PCDHGA4: variants seen among roughly 807,000 people sequenced by gnomAD.
PCDHGA4 encodes the protein protocadherin gamma-A4.
In PCDHGA4, 38 loss-of-function variants were observed where a neutral mutation model predicts 54.6. That is an observed-to-expected ratio of 0.70 (90% CI 0.54 to 0.91). The LOEUF (loss-of-function observed/expected upper bound fraction) is 0.91. Among genes scored for constraint, PCDHGA4 ranks in the 40% least tolerant of loss-of-function variants. PCDHGA4 has a pLI of 0.00. For synonymous variants in PCDHGA4, 511 were observed against 512.9 expected, an observed-to-expected ratio of 1.00 and a Z score of 0.05; for missense variants, 1,298 against 1,220.9, an observed-to-expected ratio of 1.06 and a Z score of -0.94.
intron 1 of PCDHGA4, among the ~76,000 whole-genome samples, chr5:141,447,779 A>T (rs770299374): frequency 2.0e-5 from 3 of 152,210 alleles, no homozygotes; most frequent in Non-Finnish European, 4.4e-5. Flanking sequence ...ACTTTAATTG[A>T]AAATAAATTT....
chr5:141,372,802 T>G, intron 1 of PCDHGA4: 1 of 1,594,058 alleles, frequency 6.3e-7, no homozygotes, highest in Non-Finnish European at 8.6e-7. Flanking sequence ...TCAGGCAATT[T>G]GCAAAAGGTG....
At chr5:141,509,153 C>G (rs2099875485) in intron 3 of PCDHGA4, among the ~76,000 whole-genome samples, 2 of 152,190 alleles carry the variant, frequency 1.3e-5, no homozygotes, top group Non-Finnish European at 2.9e-5. Context: ...CGGCTCTCCC[C>G]TCCCGTGTGC....
intron 1 of PCDHGA4, among the ~76,000 whole-genome samples, chr5:141,481,309 T>C (rs577046585): frequency 2.6e-4 from 39 of 152,310 alleles, no homozygotes; most frequent in African/African-American, 9.1e-4. Context: ...GGAAAAACCT[T>C]CCTAAAGCAC....
Position 141,476,085 on chromosome 5 carries a change from G to C in PCDHGA4, c.2515-18722G>C, listed in dbSNP as rs1163057402. On this transcript the variant is annotated intron_variant, in intron 1 of 3. Coordinates refer to ENST00000571252, the MANE Select transcript of PCDHGA4 (RefSeq NM_018917.4). This position sits in a 1 kb window ranked among gnomAD's most constrained non-coding sequence, Gnocchi z 7.6. ...TCAGCGAAATCTCAGGGACGATCTG[G>C]ACCCCGCTGAGAGGAACTGCTTTTG... 1.3e-6 allele frequency: 2 copies of C among 1,551,682 alleles called. No individual in the cohort carries two copies. Among genetic ancestry groups the C allele is most frequent in the East Asian group, 2.3e-5 (1 of 44,392 alleles).
In PCDHGA4 at chr5:141,415,309, G is replaced by A. The variant is rs199689792; in HGVS notation, c.2514+57688G>A. ...GGTCTCCTGCGTCTTCCTGGCCTTC[G>A]TCATCGTGCTGCTGGCGCACAGGCT... is the stretch of plus-strand genomic sequence containing the variant. On this transcript the variant is annotated intron_variant, in intron 1 of 3. Coordinates refer to ENST00000571252, the MANE Select transcript of PCDHGA4 (RefSeq NM_018917.4). 2.7e-5 allele frequency: 44 copies of A among 1,614,216 alleles called. No homozygotes were observed. In the Middle Eastern group the frequency reaches 8.2e-4, roughly 30 times the overall value.
intron 1 of PCDHGA4, chr5:141,361,921 G>A (rs1392187094): frequency 3.7e-6 from 6 of 1,607,600 alleles, no homozygotes; most frequent in Non-Finnish European, 5.1e-6. Flanking sequence ...GGCGGTGGAC[G>A]CAGACTCAGG....
intron 1 of PCDHGA4, chr5:141,392,498 AT>A (rs201401101): frequency 3.1e-4 from 68 of 217,634 alleles, no homozygotes; most frequent in African/African-American, 9.8e-4. Context: ...TAAGCAAATG[AT>A]TTTTTTTTCT....
At chr5:141,388,953 G>A (rs1266765544) in intron 1 of PCDHGA4, 13 of 1,614,022 alleles carry the variant, frequency 8.1e-6, no homozygotes, top group Non-Finnish European at 1.1e-5. Context: ...AATTATGGAG[G>A]ACGCCGAGCT....
At chr5:141,376,832 G>A (rs1773425503) in intron 1 of PCDHGA4, 3 of 257,250 alleles carry the variant, frequency 1.2e-5, no homozygotes, top group South Asian at 6.2e-5. Flanking sequence ...GACTACAGGC[G>A]CCCGCCACCG....
chr5:141,450,734 G>A (rs1365470415), intron 1 of PCDHGA4, among the ~76,000 whole-genome samples: 6 of 151,868 alleles, frequency 4.0e-5, no homozygotes, highest in South Asian at 2.1e-4. Context: ...TGATCCGCCC[G>A]CCTTGGCCTC....
At chr5:141,428,223 A>G in intron 1 of PCDHGA4, 1 of 1,169,680 alleles carries the variant, frequency 8.5e-7, no homozygotes. Context: ...TAGTCTTCGC[A>G]GACAGCCTGC....
intron 1 of PCDHGA4, chr5:141,427,749 A>G (rs770208196): frequency 4.6e-6 from 6 of 1,299,142 alleles, no homozygotes; most frequent in South Asian, 2.4e-5. Context: ...CTCCTACTCC[A>G]TCGTTACCAC....
At chr5:141,364,591 G>A (rs754833725) in intron 1 of PCDHGA4, 1 of 1,614,194 alleles carries the variant, frequency 6.2e-7, no homozygotes, top group Non-Finnish European at 8.5e-7. Flanking sequence ...TGGTCACCGC[G>A]GGCAGGATAG....
At position 141,362,552 on chromosome 5, in the gene PCDHGA4, T is replaced by C. The variant is rs190493890; in HGVS notation, c.2514+4931T>C. 340 of 1,612,744 alleles carry C rather than the reference T, an allele frequency of 2.1e-4. 1 individual carries two copies. The East Asian group carries it at 6.1e-3, about 29-fold the overall frequency. ...GTCCCTTTTGCCTCAGATACTATTT[T>C]GAAGGTGAGCTTTAATTAATTTATT... On this transcript the variant is annotated intron_variant, in intron 1 of 3. Transcript: ENST00000571252.
At chr5:141,370,437 CG>C (rs1561546503) in intron 1 of PCDHGA4, 6 of 1,603,792 alleles carry the variant, frequency 3.7e-6, no homozygotes, top group Non-Finnish European at 5.1e-6. Context: ...AGGGCAGAGG[CG>C]AATGCTATTT....
intron 1 of PCDHGA4, chr5:141,376,743 G>A (rs894394205): frequency 9.7e-5 from 48 of 493,300 alleles, no homozygotes; most frequent in Non-Finnish European, 1.5e-4. Flanking sequence ...GCGGACTGCA[G>A]TGGCGCAATC....
At chr5:141,360,394 A>G in intron 1 of PCDHGA4, 8 of 1,613,932 alleles carry the variant, frequency 5.0e-6, no homozygotes, top group Non-Finnish European at 6.8e-6. Context: ...CTTACTTGTG[A>G]GTGACAGAAT....
intron 1 of PCDHGA4, among the ~76,000 whole-genome samples, chr5:141,407,444 C>G (rs578101282): frequency 6.7e-6 from 1 of 150,116 alleles, no homozygotes; most frequent in South Asian, 2.1e-4. Flanking sequence ...AAAACCAGAA[C>G]ACGAGGCTCA....
chr5:141,382,978 T>C, intron 1 of PCDHGA4: 1 of 1,610,702 alleles, frequency 6.2e-7, no homozygotes, highest in Non-Finnish European at 8.5e-7. Context: ...CTGGGAAGCC[T>C]GGGCAGGACG....
Sources: allele counts gnomAD v4.1 joint callset (sites outside exome capture counted in the v4.1 genomes callset), GRCh38; gene constraint gnomAD v4.1.1; non-coding constraint Gnocchi (gnomAD v3.1); transcripts MANE v1.5; gene names NCBI Gene and HGNC (gene_info 2026-07-23, HGNC 2026-07-21).